ADAMTS20: variants seen among roughly 807,000 people sequenced by gnomAD.
The protein encoded by ADAMTS20 is A disintegrin and metalloproteinase with thrombospondin motifs 20.
In ADAMTS20, 225 loss-of-function variants were observed where a neutral mutation model predicts 260.1. The observed-to-expected ratio is 0.87, with a 90% CI of 0.78 to 0.97. The LOEUF (loss-of-function observed/expected upper bound fraction) is 0.97, where lower values mean the gene tolerates loss of function less well. ADAMTS20 is among the 50% of genes least tolerant of loss of function. The pLI, the probability that ADAMTS20 is intolerant of heterozygous loss-of-function variation, is 0.00. For missense variants in ADAMTS20, 2,400 were observed against 2,337.7 expected, an observed-to-expected ratio of 1.03 and a Z score of -0.55; for synonymous variants, 802 against 769.5, an observed-to-expected ratio of 1.04 and a Z score of -0.70.
At chr12:43,540,977 C>T (rs540517369) in intron 2 of ADAMTS20, among the ~76,000 whole-genome samples, 11 of 152,212 alleles carry the variant, frequency 7.2e-5, no homozygotes, top group African/African-American at 2.6e-4. Context: ...AGTATCATGG[C>T]ATTCATCCAT....
intron 36 of ADAMTS20, among the ~76,000 whole-genome samples, chr12:43,373,491 G>C (rs1940149259): frequency 6.6e-6 from 1 of 151,782 alleles, no homozygotes; most frequent in Non-Finnish European, 1.5e-5. Flanking sequence ...CTAACACTAA[G>C]AATAGCTTAT....
chr12:43,402,406 A>T (rs1940827266), intron 28 of ADAMTS20, among the ~76,000 whole-genome samples: 1 of 152,052 alleles, frequency 6.6e-6, no homozygotes, highest in African/African-American at 2.4e-5. Context: ...TTTAAAGTAA[A>T]GTTCTTTTTC....
intron 5 of ADAMTS20, 88 bp downstream of exon 5, chr12:43,493,082 C>A (rs1942628134): frequency 2.3e-6 from 2 of 881,972 alleles, no homozygotes; most frequent in African/African-American, 3.4e-5. Context: ...AAAAATATCT[C>A]ATTTCTAATA....
chr12:43,401,612 T>C (rs1940810849), intron 28 of ADAMTS20, among the ~76,000 whole-genome samples: 1 of 151,958 alleles, frequency 6.6e-6, no homozygotes, highest in South Asian at 2.1e-4. Flanking sequence ...TCTTTGTTAC[T>C]TTAATCTATT....
intron 29 of ADAMTS20, among the ~76,000 whole-genome samples, chr12:43,389,324 C>A (rs1007406895): frequency 6.6e-6 from 1 of 152,208 alleles, no homozygotes; most frequent in Non-Finnish European, 1.5e-5. Flanking sequence ...GTGGTACAGG[C>A]AAGCCATAGG....
chr12:43,469,990 A>G (rs1464199567), intron 7 of ADAMTS20, among the ~76,000 whole-genome samples: 1 of 152,194 alleles, frequency 6.6e-6, no homozygotes, highest in East Asian at 1.9e-4. Context: ...CCTCCAGAAA[A>G]CGAGCTTTTT....
In ADAMTS20 at chr12:43,551,426, CA is replaced by C. The variant is rs1943515128; in HGVS notation, c.92-157del. ...ATGCTGATGCGCACGCACACACACACACGTGCACTGGGACGGTTAGTGCTCT... is the reference window on the plus strand; with the variant it reads ...ATGCTGATGCGCACGCACACACACACCGTGCACTGGGACGGTTAGTGCTCT... On this transcript the variant is annotated intron_variant, in intron 1 of 38. Coordinates refer to ENST00000389420, the MANE Select transcript of ADAMTS20 (RefSeq NM_025003.5). The surrounding 1 kb of genome is among the most constrained non-coding windows in gnomAD (Gnocchi z 4.6). Among the ~76,000 whole-genome samples the C allele has an allele frequency of 6.6e-6, 1 of 152,154 alleles. No individual in the cohort carries two copies. Among genetic ancestry groups the C allele is most frequent in the Non-Finnish European group, 1.5e-5 (1 of 68,028 alleles).
intron 11 of ADAMTS20, among the ~76,000 whole-genome samples, chr12:43,456,223 CA>C (rs1426018476): frequency 6.6e-6 from 1 of 152,024 alleles, no homozygotes; most frequent in Non-Finnish European, 1.5e-5. Flanking sequence ...TAAAAAAGAA[CA>C]AAGACAATAT....
At chr12:43,432,180 G>A (rs1941457305) in intron 21 of ADAMTS20, 124 bp downstream of exon 21, 1 of 1,122,432 alleles carries the variant, frequency 8.9e-7, no homozygotes, top group African/African-American at 1.6e-5. Flanking sequence ...TGACAGCTTT[G>A]ATAATAGTTA....
chr12:43,532,175 C>T lies in ADAMTS20; in HGVS notation c.474G>A (p.Gln158=), dbSNP rs553134865. ...TAGGTTCTAAGAAATATTCACCGTT[C>T]TGTCCTTTAAATGTTCCCGTCTGAA... ...CGGLTGTFKG[Q]NGEYFLEPIM... The change falls in exon 3 of 39, where the codon CAG becomes CAA. Residue 158 remains glutamine, a synonymous_variant. Coordinates refer to ENST00000389420, the MANE Select transcript of ADAMTS20 (RefSeq NM_025003.5). 2.5e-6 allele frequency: 4 copies of T among 1,603,198 alleles called. No individual in the cohort carries two copies. In the Admixed American group the frequency reaches 5.2e-5, roughly 21 times the overall value.
chr12:43,463,126 T>C (rs1172562072), intron 10 of ADAMTS20, 127 bp from the exon 11 acceptor site: 3 of 512,132 alleles, frequency 5.9e-6, no homozygotes, highest in Non-Finnish European at 9.7e-6. Flanking sequence ...CTGAAACTAA[T>C]CAGCAAATTT....
chr12:43,470,717 G>A (rs1942240281), intron 7 of ADAMTS20, among the ~76,000 whole-genome samples: 1 of 151,992 alleles, frequency 6.6e-6, no homozygotes, highest in Admixed American at 6.6e-5. Flanking sequence ...ACATGGTCAG[G>A]GACTGAGGCA....
At chr12:43,413,311 C>T (rs930817740) in intron 28 of ADAMTS20, among the ~76,000 whole-genome samples, 9 of 152,020 alleles carry the variant, frequency 5.9e-5, no homozygotes, top group East Asian at 3.9e-4. Flanking sequence ...TTTCTATCAA[C>T]TATTATAGGG....
At chr12:43,539,654 A>T (rs1333371897) in intron 2 of ADAMTS20, among the ~76,000 whole-genome samples, 1 of 152,174 alleles carries the variant, frequency 6.6e-6, no homozygotes, top group Non-Finnish European at 1.5e-5. Context: ...ACCCATACTT[A>T]TAAGAAGTAA....
intron 7 of ADAMTS20, among the ~76,000 whole-genome samples, chr12:43,476,820 G>A (rs1273115366): frequency 2.1e-4 from 31 of 146,332 alleles, no homozygotes; most frequent in African/African-American, 7.6e-4. Context: ...ACATGAAGGG[G>A]AATACCACAC....
intron 19 of ADAMTS20, 100 bp downstream of exon 19, chr12:43,434,145 G>C (rs191698117): frequency 2.4e-6 from 3 of 1,258,208 alleles, no homozygotes; most frequent in Non-Finnish European, 2.2e-6. Context: ...CAGATGATGA[G>C]TAATAATTGC....
At chr12:43,405,458 A>G (rs1940902022) in intron 28 of ADAMTS20, among the ~76,000 whole-genome samples, 1 of 141,008 alleles carries the variant, frequency 7.1e-6, no homozygotes, top group Admixed American at 7.3e-5. Flanking sequence ...TAATAATAAT[A>G]ATAAATTAAA....
intron 7 of ADAMTS20, among the ~76,000 whole-genome samples, chr12:43,487,198 T>C (rs1198512877): frequency 6.6e-6 from 1 of 152,002 alleles, no homozygotes; most frequent in Non-Finnish European, 1.5e-5. Flanking sequence ...GCAAAGAAAA[T>C]GTGGTATGTA....
Position 43,513,314 on chromosome 12 carries a change from T to C in ADAMTS20, c.614-10909A>G, listed in dbSNP as rs201902742. Among the ~76,000 whole-genome samples the C allele has an allele frequency of 5.3e-5, 8 of 152,306 alleles. No homozygotes were observed. In the East Asian group the frequency reaches 1.2e-3, roughly 22 times the overall value. On this transcript the variant is annotated intron_variant, in intron 3 of 38. Coordinates refer to ENST00000389420, the MANE Select transcript of ADAMTS20 (RefSeq NM_025003.5). ...TCAAGAAACCAACCCATAGGACTTG[T>C]TCTAAAGTATAAGACACACTTCCCT...
Sources: allele counts gnomAD v4.1 joint callset (sites outside exome capture counted in the v4.1 genomes callset), GRCh38; gene constraint gnomAD v4.1.1; non-coding constraint Gnocchi (gnomAD v3.1); transcripts MANE v1.5; gene names NCBI Gene and HGNC (gene_info 2026-07-23, HGNC 2026-07-21).